The following DLG2 variants were observed in gnomAD, a reference collection of about 807,000 sequenced individuals.
DLG2 encodes disks large homolog 2.
Under a neutral mutation model 132.5 loss-of-function variants are expected in DLG2, and 45 were observed. That is an observed-to-expected ratio of 0.34 (90% CI 0.27 to 0.44). The LOEUF (loss-of-function observed/expected upper bound fraction) is 0.44, where lower values mean the gene tolerates loss of function less well. DLG2 is among the 20% of genes least tolerant of loss of function. The pLI, the probability that DLG2 is intolerant of heterozygous loss-of-function variation, is 1.00. For missense variants in DLG2, 1,045 were observed against 1,196.9 expected (o/e 0.87, Z 1.87); for synonymous variants, 424 against 419.6 (o/e 1.01, Z -0.13).
chr11:84,182,367 TAA>T (rs35822865), intron 8 of DLG2, among the ~76,000 whole-genome samples: 20 of 139,854 alleles, frequency 1.4e-4, no homozygotes, highest in East Asian at 4.1e-4. Context: ...CCCCAACTCC[TAA>T]AAAAAAAAAA....
At chr11:84,883,168 A>T (rs1242668490) in intron 6 of DLG2, among the ~76,000 whole-genome samples, 1 of 152,130 alleles carries the variant, frequency 6.6e-6, no homozygotes, top group Non-Finnish European at 1.5e-5. Context: ...AGGGACATGG[A>T]TGAAGCTGGA....
At chr11:85,405,565 A>C (rs1202636376) in intron 3 of DLG2, among the ~76,000 whole-genome samples, 2 of 152,020 alleles carry the variant, frequency 1.3e-5, no homozygotes, top group African/African-American at 4.8e-5. Context: ...TCCACCAGAC[A>C]CTATGCTAAA....
chr11:84,772,536 A>T lies in DLG2; in HGVS notation c.358-237805T>A, dbSNP rs189220512. 5.8e-3 allele frequency among the ~76,000 whole-genome samples: 881 copies of T among 152,310 alleles called. 2 individuals carry two copies. Among genetic ancestry groups the T allele is most frequent in the Non-Finnish European group, 8.5e-3 (578 of 68,018 alleles). ...TGGAACATACTCCAAGATTGGCCAC[A>T]CACTTGGCCACAAAACAAGTCTAAA... On this transcript the variant is annotated intron_variant, in intron 6 of 27. Transcript: ENST00000376104.
At chr11:85,364,406 A>G (rs2084381027) in intron 3 of DLG2, among the ~76,000 whole-genome samples, 1 of 152,164 alleles carries the variant, frequency 6.6e-6, no homozygotes, top group South Asian at 2.1e-4. Context: ...TTAACTAATA[A>G]TTGACAGGGA....
chr11:85,140,619 A>G (rs1306065320), intron 5 of DLG2, among the ~76,000 whole-genome samples: 1 of 151,454 alleles, frequency 6.6e-6, no homozygotes, highest in Non-Finnish European at 1.5e-5. Context: ...GATATATACA[A>G]TAATTATTGT....
At chr11:85,239,701 T>A (rs1323487099) in intron 4 of DLG2, among the ~76,000 whole-genome samples, 1 of 152,020 alleles carries the variant, frequency 6.6e-6, no homozygotes, top group Non-Finnish European at 1.5e-5. Flanking sequence ...AGTATTACAT[T>A]GTTAAGATTG....
At chr11:85,294,888 G>A (rs2079123867) in intron 3 of DLG2, among the ~76,000 whole-genome samples, 1 of 152,110 alleles carries the variant, frequency 6.6e-6, no homozygotes, top group South Asian at 2.1e-4. Flanking sequence ...GCAATAAGAT[G>A]TGCATGAAGG....
chr11:83,650,608 A>C (rs1034183796), intron 18 of DLG2, among the ~76,000 whole-genome samples: 1 of 152,230 alleles, frequency 6.6e-6, no homozygotes, highest in Non-Finnish European at 1.5e-5. Flanking sequence ...ATAGGAAACT[A>C]ATCCAATGTT....
At chr11:84,645,205 C>G (rs1209552384) in intron 6 of DLG2, among the ~76,000 whole-genome samples, 2 of 152,142 alleles carry the variant, frequency 1.3e-5, no homozygotes, top group African/African-American at 4.8e-5. Flanking sequence ...TAGCTATGTG[C>G]TCTTGGGCAA....
chr11:85,324,954 A>C (rs2081347346), intron 3 of DLG2, among the ~76,000 whole-genome samples: 1 of 147,818 alleles, frequency 6.8e-6, no homozygotes, highest in African/African-American at 2.5e-5. Flanking sequence ...GCATTGCCTC[A>C]CCTGGGAAGC....
At chr11:84,738,692 G>A (rs1311842208) in intron 6 of DLG2, among the ~76,000 whole-genome samples, 3 of 152,048 alleles carry the variant, frequency 2.0e-5, no homozygotes, top group Non-Finnish European at 4.4e-5. Flanking sequence ...AATGTAAAAT[G>A]GTCCAACCAC....
chr11:84,609,975 C>T (rs2099592516), intron 6 of DLG2, among the ~76,000 whole-genome samples: 1 of 151,850 alleles, frequency 6.6e-6, no homozygotes, highest in African/African-American at 2.4e-5. Flanking sequence ...GCTTTTTTGC[C>T]TTTAACCCAA....
chr11:84,184,843 C>A (rs12796815), intron 8 of DLG2, among the ~76,000 whole-genome samples: 9,829 of 152,014 alleles, frequency 0.065, 371 homozygotes, highest in African/African-American at 0.1. Flanking sequence ...TTCCCCATTG[C>A]TTGTTTTTCT....
chr11:84,669,750 A>G (rs1296009535), intron 6 of DLG2, among the ~76,000 whole-genome samples: 4 of 152,138 alleles, frequency 2.6e-5, no homozygotes, highest in Admixed American at 2.0e-4. Context: ...GATCAAATGG[A>G]CTGTCAGAAG....
chr11:85,504,353 A>T (rs1213517672), intron 3 of DLG2, among the ~76,000 whole-genome samples: 1 of 151,942 alleles, frequency 6.6e-6, no homozygotes, highest in Non-Finnish European at 1.5e-5. Flanking sequence ...TAGGTCTAAC[A>T]TTTAAGTCTT....
intron 6 of DLG2, among the ~76,000 whole-genome samples, chr11:84,881,584 G>C (rs570571007): frequency 6.6e-6 from 1 of 151,710 alleles, no homozygotes; most frequent in Non-Finnish European, 1.5e-5. Context: ...CTCACACCCT[G>C]TTGGATGCTT....
intron 6 of DLG2, among the ~76,000 whole-genome samples, chr11:84,574,959 C>G (rs574856963): frequency 1.9e-4 from 29 of 152,086 alleles, no homozygotes; most frequent in African/African-American, 6.8e-4. Flanking sequence ...GTCAATATGT[C>G]TTTGAGATCA....
At chr11:83,657,416 C>T (rs1327277367) in intron 18 of DLG2, among the ~76,000 whole-genome samples, 1 of 152,062 alleles carries the variant, frequency 6.6e-6, no homozygotes, top group South Asian at 2.1e-4. Context: ...TCCCCAAGCT[C>T]ACACCATGGT....
intron 7 of DLG2, among the ~76,000 whole-genome samples, chr11:84,281,822 A>G (rs998758052): frequency 5.9e-5 from 9 of 152,326 alleles, no homozygotes; most frequent in Middle Eastern, 3.4e-3. Context: ...AGATACTACT[A>G]CATACCTATT....
Sources: allele counts gnomAD v4.1 joint callset (sites outside exome capture counted in the v4.1 genomes callset), GRCh38; gene constraint gnomAD v4.1.1; transcripts MANE v1.5; gene names NCBI Gene and HGNC (gene_info 2026-07-23, HGNC 2026-07-21).